RUFY3: variants seen among roughly 807,000 people sequenced by gnomAD.
The protein encoded by RUFY3 is RUN and FYVE domain containing 3.
A neutral mutation model predicts 84.0 loss-of-function variants in RUFY3; 34 were observed. The observed-to-expected ratio is 0.40, with a 90% confidence interval of 0.31 to 0.54. The LOEUF (loss-of-function observed/expected upper bound fraction) is 0.54. Among genes scored for constraint, RUFY3 ranks in the 20% least tolerant of loss-of-function variants. RUFY3 has a pLI of 0.39. For missense variants in RUFY3, 507 were observed against 736.8 expected (o/e 0.69, Z 3.61); for synonymous variants, 242 against 252.9 (o/e 0.96, Z 0.41).
chr4:70,783,270 G>A, intron 9 of RUFY3, 87 bp downstream of exon 9: 1 of 802,580 alleles, frequency 1.2e-6, no homozygotes, highest in South Asian at 1.6e-5. Flanking sequence ...ACTATTTTAA[G>A]CAGCTGGCCT....
chr4:70,803,105 A>C (rs547017038), intron 16 of RUFY3, 122 bp downstream of exon 16: 2 of 669,376 alleles, frequency 3.0e-6, no homozygotes, highest in Non-Finnish European at 5.2e-6. Context: ...CATCCTTCTA[A>C]CAATACCCTG....
At chr4:70,729,446 C>T (rs935352197) in intron 1 of RUFY3, among the ~76,000 whole-genome samples, 3 of 152,078 alleles carry the variant, frequency 2.0e-5, no homozygotes, top group Admixed American at 1.3e-4. Flanking sequence ...TTAGTAGAGA[C>T]GAGGTTTCCC....
chr4:70,797,933 AC>A (rs1553923680), intron 14 of RUFY3, among the ~76,000 whole-genome samples: 1 of 152,240 alleles, frequency 6.6e-6, no homozygotes, highest in Non-Finnish European at 1.5e-5. Context: ...TAAAAGGCTT[AC>A]AAAAGTTTAC....
At position 70,793,862 on chromosome 4, in the gene RUFY3, T is replaced by A; in HGVS notation, c.1415T>A (p.Ile472Asn). Reference sequence around the variant, plus strand: ...TTCAAACAGGACTTTGGAGACAAGATCAACAGTCTGCAGCTGGAAGTCGAG... The same window carrying A: ...TTCAAACAGGACTTTGGAGACAAGAACAACAGTCTGCAGCTGGAAGTCGAG... ...RLFKQDFGDK[I>N]NSLQLEVEEL... Residue 472 changes from isoleucine (I) to asparagine (N), a missense_variant, in exon 13 of 18, where the codon ATC (isoleucine) becomes AAC (asparagine). Ile to Asn is a moderately radical substitution (Grantham distance 149). Around this residue, in one of 4 missense-constraint regions of RUFY3, gnomAD observed 334 missense variants for 364.1 expected, o/e 0.92. Coordinates refer to ENST00000381006, the MANE Select transcript of RUFY3 (RefSeq NM_001037442.4). The A allele has an allele frequency of 6.2e-7, 1 of 1,614,044 alleles. No individual in the cohort carries two copies. The highest frequency in any genetic ancestry group is 8.5e-7 in the Non-Finnish European group (1 of 1,180,010).
chr4:70,727,735 C>A (rs902823680), intron 1 of RUFY3, among the ~76,000 whole-genome samples: 1 of 148,004 alleles, frequency 6.8e-6, no homozygotes, highest in Admixed American at 6.8e-5. Context: ...TGCGGTGAGC[C>A]GAGATCGTGC....
At chr4:70,758,779 C>A (rs1247364572) in intron 1 of RUFY3, among the ~76,000 whole-genome samples, 2 of 151,982 alleles carry the variant, frequency 1.3e-5, no homozygotes, top group Non-Finnish European at 2.9e-5. Context: ...TGGCTCACAC[C>A]TGTAATCCCA....
chr4:70,798,649 G>A (rs1284088182), intron 14 of RUFY3, among the ~76,000 whole-genome samples: 2 of 152,118 alleles, frequency 1.3e-5, no homozygotes, highest in Non-Finnish European at 2.9e-5. Context: ...GGGCCTTGCT[G>A]CGTGCACCTA....
chr4:70,802,240 A>T (rs1303934992), intron 15 of RUFY3, among the ~76,000 whole-genome samples: 1 of 152,178 alleles, frequency 6.6e-6, no homozygotes, highest in Non-Finnish European at 1.5e-5. Context: ...GCTTCCTGGG[A>T]TTATGATGGC....
At chr4:70,731,593 A>G (rs1164492385) in intron 1 of RUFY3, among the ~76,000 whole-genome samples, 1 of 151,878 alleles carries the variant, frequency 6.6e-6, no homozygotes, top group African/African-American at 2.4e-5. Flanking sequence ...TTTGAGACAG[A>G]GTTTCGTTCT....
At chr4:70,773,754 G>A (rs939052703) in intron 6 of RUFY3, among the ~76,000 whole-genome samples, 182 bp downstream of exon 6, 4 of 152,114 alleles carry the variant, frequency 2.6e-5, no homozygotes, top group Admixed American at 1.3e-4. Flanking sequence ...AACCCTAAAA[G>A]GATTTTTTTG....
In RUFY3 at chr4:70,807,611, C is replaced by T. The variant is rs1732966129; in HGVS notation, c.*952C>T. 1.3e-5 allele frequency among the ~76,000 whole-genome samples: 2 copies of T among 151,810 alleles called. No homozygotes were observed. Among genetic ancestry groups the T allele is most frequent in the South Asian group, 4.2e-4 (2 of 4,800 alleles). ...TCACAGCTCACTGAATCCCTGTTCT[C>T]CCGGGCCTCAAGCAATCTTCCCACC... On this transcript the variant is annotated 3_prime_UTR_variant, in exon 18 of 18. Transcript: ENST00000381006.
At chr4:70,759,786 T>G (rs958808302) in intron 1 of RUFY3, among the ~76,000 whole-genome samples, 6 of 152,198 alleles carry the variant, frequency 3.9e-5, no homozygotes, top group Admixed American at 3.3e-4. Flanking sequence ...TTGTTTCACT[T>G]TCATTTGTTT....
intron 4 of RUFY3, among the ~76,000 whole-genome samples, chr4:70,764,869 A>T (rs1386528118): frequency 6.6e-6 from 1 of 152,184 alleles, no homozygotes; most frequent in Non-Finnish European, 1.5e-5. Context: ...CAAGAACTTG[A>T]CATGTAGCAT....
intron 12 of RUFY3, chr4:70,791,595 C>G: frequency 8.4e-7 from 1 of 1,195,668 alleles, no homozygotes; most frequent in South Asian, 2.2e-5. Context: ...TTAAAAAAGC[C>G]TAGGGAATTG....
intron 1 of RUFY3, among the ~76,000 whole-genome samples, chr4:70,737,428 C>G (rs1720500880): frequency 6.6e-6 from 1 of 152,136 alleles, no homozygotes; most frequent in Non-Finnish European, 1.5e-5. Flanking sequence ...AGATGTACTA[C>G]ATTTTGTCTG....
intron 1 of RUFY3, among the ~76,000 whole-genome samples, chr4:70,724,493 G>A (rs777945448): frequency 2.0e-5 from 3 of 152,168 alleles, no homozygotes; most frequent in Admixed American, 6.6e-5. Context: ...TTTTAGCAGC[G>A]CCATTTGAAT....
rs935529819 is a variant in RUFY3 at position 70,766,431 on chromosome 4, G to A, written c.572+1855G>A. 2.0e-5 allele frequency among the ~76,000 whole-genome samples: 3 copies of A among 152,032 alleles called. No homozygotes were observed. The South Asian group carries it at 6.2e-4, about 32-fold the overall frequency. ...GGCTAATTTTTGTATTTTTAGTACA[G>A]ACAGGGTTTCACCACGTTGGCCAGG... On this transcript the variant is annotated intron_variant, in intron 4 of 17. Coordinates refer to ENST00000381006, the MANE Select transcript of RUFY3 (RefSeq NM_001037442.4).
In RUFY3 at chr4:70,773,568, G is replaced by C. The variant is rs748059452; in HGVS notation, c.754G>C (p.Glu252Gln). ...LKDGNSSKGTEGDGQITAILD... is the reference protein window; with the variant it reads ...LKDGNSSKGTQGDGQITAILD... ...GGACGGGAACAGCAGTAAAGGTACT[G>C]AAGGGTACGTACAAAGAAAATTAGA... Residue 252 changes from glutamate to glutamine, a missense_variant, in exon 6 of 18, where the codon GAA (glutamate) becomes CAA (glutamine). Coordinates refer to ENST00000381006, the MANE Select transcript of RUFY3 (RefSeq NM_001037442.4). 6.2e-7 allele frequency: 1 copy of C among 1,607,190 alleles called. No homozygotes were observed. The highest frequency in any genetic ancestry group is 1.7e-4 in the Middle Eastern group (1 of 6,040).
chr4:70,757,516 A>G (rs879156948), intron 1 of RUFY3, among the ~76,000 whole-genome samples: 1 of 152,108 alleles, frequency 6.6e-6, no homozygotes, highest in Non-Finnish European at 1.5e-5. Flanking sequence ...AGACAGGAAA[A>G]TCACTTGAAC....
Sources: allele counts gnomAD v4.1 joint callset (sites outside exome capture counted in the v4.1 genomes callset), GRCh38; gene constraint gnomAD v4.1.1; regional missense constraint gnomAD v4.1.1; transcripts MANE v1.5; gene names NCBI Gene and HGNC (gene_info 2026-07-23, HGNC 2026-07-21).